Variants in MAMDC2 observed in about 807,000 individuals in gnomAD.
The protein encoded by MAMDC2 is MAM domain-containing protein 2.
A neutral mutation model predicts 89.8 loss-of-function variants in MAMDC2; 57 were observed. That is an observed-to-expected ratio of 0.63 (90% CI 0.51 to 0.79). The LOEUF (loss-of-function observed/expected upper bound fraction) is 0.79, where lower values mean the gene tolerates loss of function less well. MAMDC2 is among the 30% of genes least tolerant of loss of function. The probability of loss-of-function intolerance (pLI) is 0.00; values close to 1 mark genes in which losing one functional copy is unlikely to be tolerated. For missense variants in MAMDC2, 800 were observed against 820.6 expected, an observed-to-expected ratio of 0.97 and a Z score of 0.31; for synonymous variants, 313 against 293.4, an observed-to-expected ratio of 1.07 and a Z score of -0.68.
At position 70,170,610 on chromosome 9, in the gene MAMDC2, G is replaced by C. The variant is rs1370785689; in HGVS notation, c.1630G>C (p.Gly544Arg). 6.2e-7 allele frequency: 1 copy of C among 1,609,420 alleles called. No individual in the cohort carries two copies. Among genetic ancestry groups the C allele is most frequent in the Admixed American group, 1.7e-5 (1 of 59,448 alleles). Reference protein sequence around the residue: ...ETPTSYTGPKGDHTTGVGYYM... With the variant: ...ETPTSYTGPKRDHTTGVGYYM... ...TCCCACTTCCTACACAGGACCAAAG[G>C]GAGATCACACTACTGGGGTAGGTGA... Residue 544 changes from glycine (G) to arginine (R), a missense_variant, in exon 11 of 14, where the codon GGA becomes CGA. Physicochemically the swap from Gly to Arg is moderately radical, Grantham distance 125 (BLOSUM62 -2). Coordinates refer to ENST00000377182, the MANE Select transcript of MAMDC2 (RefSeq NM_153267.5).
chr9:70,111,614 G>A (rs1411931013), intron 4 of MAMDC2, among the ~76,000 whole-genome samples: 2 of 152,224 alleles, frequency 1.3e-5, no homozygotes, highest in South Asian at 4.1e-4. Flanking sequence ...GGCACTGAAT[G>A]TTAGGGCATT....
chr9:70,119,467 C>T (rs1210679340), intron 5 of MAMDC2, among the ~76,000 whole-genome samples: 3 of 152,152 alleles, frequency 2.0e-5, no homozygotes, highest in African/African-American at 4.8e-5. Flanking sequence ...CCATTTGGTG[C>T]GTGGTGTAAG....
At chr9:70,050,250 T>C (rs947437568) in intron 2 of MAMDC2, among the ~76,000 whole-genome samples, 12 of 152,210 alleles carry the variant, frequency 7.9e-5, no homozygotes, top group African/African-American at 2.7e-4. Context: ...GCCTGGCACA[T>C]AGCAGGTGCT....
intron 12 of MAMDC2, among the ~76,000 whole-genome samples, chr9:70,223,909 T>C (rs1445451159): frequency 1.3e-5 from 2 of 152,274 alleles, no homozygotes. Context: ...CATAGTACTA[T>C]AAAATGGTGA....
rs1205882222 is a variant in MAMDC2 at position 70,126,407 on chromosome 9, C to A, written c.892C>A (p.Pro298Thr). Residue 298 changes from proline (P) to threonine (T), a missense_variant, in exon 6 of 14, where the codon CCC becomes ACC. Pro to Thr is a conservative substitution (Grantham distance 38). Transcript: ENST00000377182. ...LAEVEFSAPY[P>T]MEVIFEVAFN... Reference sequence around the variant, plus strand: ...GGAGGTCGAGTTCAGTGCTCCTTACCCCATGGAGGTAGGTGTACTGGTGCG... The same window carrying A: ...GGAGGTCGAGTTCAGTGCTCCTTACACCATGGAGGTAGGTGTACTGGTGCG... 1 of 1,612,794 alleles carries A rather than the reference C, an allele frequency of 6.2e-7. No homozygotes were observed. Among genetic ancestry groups the A allele is most frequent in the Admixed American group, 1.7e-5 (1 of 59,994 alleles).
At chr9:70,145,307 C>T (rs1362257315) in intron 9 of MAMDC2, among the ~76,000 whole-genome samples, 1 of 152,168 alleles carries the variant, frequency 6.6e-6, no homozygotes, top group Non-Finnish European at 1.5e-5. Flanking sequence ...CATGTTTCTA[C>T]CCTTAGCTTA....
At chr9:70,081,340 C>A (rs1827649578) in intron 2 of MAMDC2, among the ~76,000 whole-genome samples, 1 of 152,040 alleles carries the variant, frequency 6.6e-6, no homozygotes, top group Non-Finnish European at 1.5e-5. Flanking sequence ...AGGGAATGTC[C>A]AAATCTGTGA....
intron 11 of MAMDC2, among the ~76,000 whole-genome samples, chr9:70,173,624 G>C (rs1275850379): frequency 2.0e-5 from 3 of 152,140 alleles, no homozygotes; most frequent in African/African-American, 7.2e-5. Flanking sequence ...AGGTATAGCA[G>C]TAAGAGATCT....
At chr9:70,202,316 G>A (rs1042702427) in intron 11 of MAMDC2, among the ~76,000 whole-genome samples, 1 of 152,042 alleles carries the variant, frequency 6.6e-6, no homozygotes, top group African/African-American at 2.4e-5. Context: ...TATGTACCCA[G>A]TAGTCATTCA....
intron 11 of MAMDC2, among the ~76,000 whole-genome samples, chr9:70,215,803 C>CTT (rs2033435067): frequency 6.6e-6 from 1 of 152,118 alleles, no homozygotes; most frequent in African/African-American, 2.4e-5. Context: ...AGGGTGAGAA[C>CTT]TTTATAGAGT....
At chr9:70,069,900 C>T (rs188728711) in intron 2 of MAMDC2, among the ~76,000 whole-genome samples, 126 of 152,238 alleles carry the variant, frequency 8.3e-4, no homozygotes, top group African/African-American at 2.8e-3. Context: ...AGAATTTATT[C>T]CTCTTGACAT....
intron 11 of MAMDC2, among the ~76,000 whole-genome samples, chr9:70,173,381 GA>G (rs1316172648): frequency 7.9e-5 from 12 of 152,038 alleles, no homozygotes; most frequent in Non-Finnish European, 1.6e-4. Flanking sequence ...ATGAATGAAT[GA>G]ATGAATGCAC....
At chr9:70,100,004 GA>G (rs1828132706) in intron 2 of MAMDC2, among the ~76,000 whole-genome samples, 1 of 149,060 alleles carries the variant, frequency 6.7e-6, no homozygotes, top group African/African-American at 2.5e-5. Context: ...GAGAGAGAGA[GA>G]GAGAGAGAGA....
chr9:70,113,202 C>G lies in MAMDC2; in HGVS notation c.643+70C>G, dbSNP rs1341468413. ...CTGCTGTCTCCTCCCACTTCCTGCA[C>G]TGACCTAGCTGTGGCTTCTGTCAAC... is the stretch of plus-strand genomic sequence containing the variant. On this transcript the variant is annotated intron_variant, in intron 5 of 13. Coordinates refer to ENST00000377182, the MANE Select transcript of MAMDC2 (RefSeq NM_153267.5). 3 of 1,542,270 alleles carry G rather than the reference C, an allele frequency of 1.9e-6. No homozygotes were observed. The African/African-American group carries it at 4.1e-5, about 21-fold the overall frequency.
chr9:70,171,099 T>C (rs1047483968), intron 11 of MAMDC2: 2 of 157,230 alleles, frequency 1.3e-5, no homozygotes, highest in Admixed American at 6.5e-5. Context: ...AATGATGGGG[T>C]GCATTTTCTG....
intron 2 of MAMDC2, among the ~76,000 whole-genome samples, chr9:70,084,975 GA>G (rs1827734472): frequency 6.6e-6 from 1 of 151,978 alleles, no homozygotes; most frequent in African/African-American, 2.4e-5. Context: ...TTTTAATATA[GA>G]ATTTTATTAC....
At chr9:70,197,277 C>T (rs1375911028) in intron 11 of MAMDC2, among the ~76,000 whole-genome samples, 1 of 152,112 alleles carries the variant, frequency 6.6e-6, no homozygotes, top group Non-Finnish European at 1.5e-5. Flanking sequence ...CTGCAAATGT[C>T]TGCTGGAAGA....
At chr9:70,222,449 G>A (rs575972031) in intron 12 of MAMDC2, among the ~76,000 whole-genome samples, 65 of 152,236 alleles carry the variant, frequency 4.3e-4, no homozygotes, top group African/African-American at 1.5e-3. Flanking sequence ...TATTTAGAGT[G>A]TGATAGTACT....
chr9:70,101,774 T>C (rs1828204224), intron 2 of MAMDC2, among the ~76,000 whole-genome samples: 1 of 152,208 alleles, frequency 6.6e-6, no homozygotes, highest in Non-Finnish European at 1.5e-5. Flanking sequence ...TCAGAACCTA[T>C]CTTCATCGTT....
Sources: gnomAD v4.1 joint callset for allele counts (sites outside exome capture counted in the v4.1 genomes callset) on GRCh38, gnomAD v4.1.1 for gene constraint, MANE v1.5 for transcripts, NCBI Gene and HGNC (gene_info 2026-07-23, HGNC 2026-07-21) for gene names.